The following DAB1 variants were observed in gnomAD, a reference collection of about 807,000 sequenced individuals.
DAB1 encodes the protein disabled homolog 1.
A neutral mutation model predicts 64.6 loss-of-function variants in DAB1; 15 were observed. The ratio of observed to expected loss-of-function variants is 0.23; its 90% CI spans 0.16 to 0.36. The LOEUF is 0.36. Among genes scored for constraint, DAB1 ranks in the 10% least tolerant of loss-of-function variants. The pLI is 1.00. For synonymous variants in DAB1, 235 were observed against 251.9 expected, an observed-to-expected ratio of 0.93 and a Z score of 0.64; for missense variants, 596 against 706.7, an observed-to-expected ratio of 0.84 and a Z score of 1.78.
chr1:58,242,779 T>C (rs981733639), intron 4 of DAB1, among the ~76,000 whole-genome samples: 10 of 152,020 alleles, frequency 6.6e-5, no homozygotes, highest in African/African-American at 9.7e-5. Flanking sequence ...TGGGGGATAG[T>C]TGAAGACAGA....
chr1:57,328,971 T>A (rs1676416246), intron 1 of DAB1, among the ~76,000 whole-genome samples: 1 of 152,206 alleles, frequency 6.6e-6, no homozygotes, highest in Non-Finnish European at 1.5e-5. Context: ...TGACATGAAA[T>A]GAGGGCCTTA....
intron 7 of DAB1, among the ~76,000 whole-genome samples, chr1:57,505,001 T>C (rs1445197941): frequency 6.6e-6 from 1 of 152,154 alleles, no homozygotes; most frequent in Non-Finnish European, 1.5e-5. Context: ...TGAAATGCAC[T>C]GTGGTACTCT....
intron 1 of DAB1, among the ~76,000 whole-genome samples, chr1:57,348,969 T>A (rs1157944469): frequency 6.6e-6 from 1 of 152,016 alleles, no homozygotes; most frequent in Non-Finnish European, 1.5e-5. Context: ...GTAGGGAAGG[T>A]AATAAGAACC....
chr1:58,405,138 A>G (rs1263804848), intron 3 of DAB1, among the ~76,000 whole-genome samples: 1 of 152,102 alleles, frequency 6.6e-6, no homozygotes, highest in East Asian at 1.9e-4. Flanking sequence ...CAGACACATC[A>G]AGCCCTTCAA....
At chr1:57,496,293 G>T (rs879507239) in intron 7 of DAB1, among the ~76,000 whole-genome samples, 1 of 152,116 alleles carries the variant, frequency 6.6e-6, no homozygotes, top group Admixed American at 6.5e-5. Context: ...AAGCCTTGAA[G>T]CCAACAGGAT....
intron 1 of DAB1, among the ~76,000 whole-genome samples, chr1:57,411,612 C>G (rs1403091694): frequency 6.6e-6 from 1 of 152,198 alleles, no homozygotes; most frequent in African/African-American, 2.4e-5. Context: ...CATAGGAAAC[C>G]CAGAGATGTC....
intron 1 of DAB1, among the ~76,000 whole-genome samples, chr1:57,834,178 C>T (rs1652708222): frequency 6.6e-6 from 1 of 152,020 alleles, no homozygotes; most frequent in Non-Finnish European, 1.5e-5. Flanking sequence ...TTTCAGATTG[C>T]AGTAAATTCA....
intron 5 of DAB1, among the ~76,000 whole-genome samples, chr1:58,035,309 G>A (rs1006129580): frequency 2.0e-5 from 3 of 152,244 alleles, no homozygotes; most frequent in Non-Finnish European, 4.4e-5. Flanking sequence ...TGCCCAACGG[G>A]CCCTCCCTTA....
At chr1:57,740,757 C>G (rs1009368231) in intron 6 of DAB1, among the ~76,000 whole-genome samples, 1 of 152,212 alleles carries the variant, frequency 6.6e-6, no homozygotes, top group African/African-American at 2.4e-5. Context: ...TGTCTGCTGT[C>G]TTCCACGCAC....
At chr1:57,892,525 T>C (rs563277764) in intron 5 of DAB1, among the ~76,000 whole-genome samples, 42 of 152,338 alleles carry the variant, frequency 2.8e-4, no homozygotes, top group African/African-American at 9.9e-4. Context: ...ACAGAGAAGT[T>C]AATAACTTAT....
At chr1:58,351,858 G>T (rs1003542679) in intron 3 of DAB1, among the ~76,000 whole-genome samples, 1 of 146,058 alleles carries the variant, frequency 6.8e-6, no homozygotes, top group Non-Finnish European at 1.5e-5. Context: ...AGCCTGTTGA[G>T]CCATACTAGA....
intron 4 of DAB1, among the ~76,000 whole-genome samples, chr1:58,280,573 C>T (rs573353859): frequency 1.3e-5 from 2 of 152,298 alleles, no homozygotes; most frequent in African/African-American, 4.8e-5. Flanking sequence ...TACCCAATTT[C>T]TGGTAGAATC....
At chr1:58,359,268 C>T (rs552135430) in intron 3 of DAB1, among the ~76,000 whole-genome samples, 5 of 152,174 alleles carry the variant, frequency 3.3e-5, no homozygotes, top group South Asian at 2.1e-4. Context: ...CTAAGACACT[C>T]GAAGATATAA....
chr1:57,653,759 C>A (rs1431663177), intron 6 of DAB1, among the ~76,000 whole-genome samples: 1 of 152,120 alleles, frequency 6.6e-6, no homozygotes, highest in East Asian at 1.9e-4. Flanking sequence ...AATACAGGAG[C>A]CCACCACCAC....
chr1:58,042,876 T>C (rs1476779153), intron 5 of DAB1, among the ~76,000 whole-genome samples: 2 of 152,064 alleles, frequency 1.3e-5, no homozygotes, highest in African/African-American at 4.8e-5. Context: ...ATAATCAGAT[T>C]TGCATTTCAA....
chr1:58,031,288 G>A (rs187991655), intron 5 of DAB1, among the ~76,000 whole-genome samples: 44 of 152,300 alleles, frequency 2.9e-4, no homozygotes, highest in Non-Finnish European at 4.4e-4. Context: ...CATTGGGACC[G>A]GGTTATGTGG....
chr1:58,382,268 C>A (rs1644396303), intron 3 of DAB1, among the ~76,000 whole-genome samples: 1 of 152,150 alleles, frequency 6.6e-6, no homozygotes, highest in South Asian at 2.1e-4. Context: ...ATAATTCTCA[C>A]TCCATAGATT....
intron 9 of DAB1, among the ~76,000 whole-genome samples, chr1:57,036,468 C>G (rs1265570730): frequency 1.3e-5 from 2 of 152,174 alleles, no homozygotes; most frequent in Non-Finnish European, 2.9e-5. Flanking sequence ...CTTCCTCCAG[C>G]CAGTGGGGAG....
intron 7 of DAB1, among the ~76,000 whole-genome samples, chr1:57,635,742 T>A (rs1646044711): frequency 6.6e-6 from 1 of 152,190 alleles, no homozygotes; most frequent in Non-Finnish European, 1.5e-5. Context: ...AAAATTTGTC[T>A]TCCACAAAAC....
Sources: allele counts gnomAD v4.1 joint callset (sites outside exome capture counted in the v4.1 genomes callset), GRCh38; gene constraint gnomAD v4.1.1; transcripts MANE v1.5; gene names NCBI Gene and HGNC (gene_info 2026-07-23, HGNC 2026-07-21).